The following FAM186A variants were observed in gnomAD, a reference collection of about 807,000 sequenced individuals.
The protein encoded by FAM186A is protein FAM186A.
In FAM186A, 163 loss-of-function variants were observed where a neutral mutation model predicts 216.8. That is an observed-to-expected ratio of 0.75 (90% CI 0.66 to 0.86). The LOEUF is 0.86. FAM186A is among the 40% of genes least tolerant of loss of function. The pLI is 0.00. For synonymous variants in FAM186A, 805 were observed against 1,025.3 expected, an observed-to-expected ratio of 0.79 and a Z score of 4.10; for missense variants, 2,184 against 2,746.2, an observed-to-expected ratio of 0.80 and a Z score of 4.58.
At chr12:50,387,910 C>T (rs1943318927) in intron 1 of FAM186A, among the ~76,000 whole-genome samples, 1 of 152,160 alleles carries the variant, frequency 6.6e-6, no homozygotes, top group Admixed American at 6.6e-5. Flanking sequence ...TTACCAAGGA[C>T]TCCCATACCC....
chr12:50,375,603 G>C (rs1455694738), intron 1 of FAM186A, among the ~76,000 whole-genome samples: 1 of 149,882 alleles, frequency 6.7e-6, no homozygotes, highest in African/African-American at 2.5e-5. Flanking sequence ...TGTAATCTCA[G>C]CTAATCGGGA....
At chr12:50,345,424 A>T (rs1309188959) in intron 4 of FAM186A, among the ~76,000 whole-genome samples, 1 of 152,082 alleles carries the variant, frequency 6.6e-6, no homozygotes, top group Non-Finnish European at 1.5e-5. Context: ...AATAAAAACA[A>T]AAAAAGAAAC....
At chr12:50,372,572 C>T (rs979620689) in intron 1 of FAM186A, among the ~76,000 whole-genome samples, 17 of 147,972 alleles carry the variant, frequency 1.1e-4, no homozygotes, top group South Asian at 1.1e-3. Context: ...CCAGCCCGGG[C>T]GACAGTGTGA....
At position 50,392,765 on chromosome 12, in the gene FAM186A, A is replaced by ATTT. The variant is rs71083559; in HGVS notation, c.192+3525_192+3527dup. Among the ~76,000 whole-genome samples the ATTT allele has an allele frequency of 9.5e-3, 1,125 of 118,414 alleles. 15 individuals are homozygous for ATTT. Among genetic ancestry groups the ATTT allele is most frequent in the East Asian group, 0.021 (83 of 3,976 alleles). 77.7% of individuals were successfully genotyped at this position (118,414 alleles called of 152,430 possible). On this transcript the variant is annotated intron_variant, in intron 1 of 7. Coordinates refer to ENST00000327337, the MANE Select transcript of FAM186A (RefSeq NM_001145475.3). ...AGTCGTGTGCCACCACACTTGGCTA[A>ATTT]TTTTTTTTTTTTTTTTTTGGTATTT... is the stretch of plus-strand genomic sequence containing the variant.
Position 50,351,384 on chromosome 12 carries a change from T to G in FAM186A, c.5448A>C (p.Pro1816=). 6.8e-7 allele frequency: 1 copy of G among 1,472,584 alleles called. No individual in the cohort carries two copies. The highest frequency in any genetic ancestry group is 9.0e-7 in the Non-Finnish European group (1 of 1,113,494). The allele number at this position is 1,472,584 out of a possible 1,614,324, so 91.2% of individuals were successfully genotyped here. Residue 1816 remains proline, a synonymous_variant, in exon 4 of 8, where the codon CCA becomes CCC. Coordinates refer to ENST00000327337, the MANE Select transcript of FAM186A (RefSeq NM_001145475.3). ...GQSTSAQFPA[P]QAPPSPGQLP... ...GCTGCCCAGGGGAGGGAGGGGCCTG[T>G]GGTGCCGGGAACTGCGCAGAAGTGG...
At chr12:50,335,098 C>G (rs1475444609) in intron 4 of FAM186A, among the ~76,000 whole-genome samples, 1 of 151,654 alleles carries the variant, frequency 6.6e-6, no homozygotes, top group Non-Finnish European at 1.5e-5. Context: ...TCCGTCTCTG[C>G]AAAATAAAAA....
At chr12:50,361,021 A>T in intron 2 of FAM186A, 95 bp from the exon 3 acceptor site, 1 of 829,876 alleles carries the variant, frequency 1.2e-6, no homozygotes, top group Non-Finnish European at 1.7e-6. Flanking sequence ...TCAATACAGT[A>T]ATATTGGGGA....
rs188879647 is a variant in FAM186A at position 50,355,899 on chromosome 12, G to A, written c.933C>T (p.Asn311=). 105 of 1,551,200 alleles carry A rather than the reference G, an allele frequency of 6.8e-5. No individual in the cohort carries two copies. The African/African-American group carries it at 7.7e-4, about 11-fold the overall frequency. Residue 311 remains asparagine (N), a synonymous_variant, in exon 4 of 8, where the codon AAC becomes AAT. Transcript: ENST00000327337. ...LSLKIIRDLS[N]ENEMLQQKLQ... Reference sequence around the variant, plus strand: ...GTTTCTGCTGAAGCATTTCATTTTCGTTACTGAGATCTCGTATTATCTTCA... The same window carrying A: ...GTTTCTGCTGAAGCATTTCATTTTCATTACTGAGATCTCGTATTATCTTCA...
intron 1 of FAM186A, among the ~76,000 whole-genome samples, chr12:50,380,391 G>T (rs1380311433): frequency 6.6e-6 from 1 of 151,790 alleles, no homozygotes; most frequent in Non-Finnish European, 1.5e-5. Context: ...AAGAACTGGT[G>T]TTGTTCGGGT....
intron 3 of FAM186A, 151 bp downstream of exon 3, chr12:50,360,605 A>T (rs1943023094): frequency 3.7e-6 from 2 of 541,586 alleles, no homozygotes; most frequent in Non-Finnish European, 6.0e-6. Context: ...GAATCACCTG[A>T]AACCTGGAGG....
chr12:50,376,391 G>A (rs1943198375), intron 1 of FAM186A, among the ~76,000 whole-genome samples: 1 of 152,218 alleles, frequency 6.6e-6, no homozygotes, highest in African/African-American at 2.4e-5. Context: ...GATACCTGAA[G>A]TGAGTAGCTC....
At position 50,380,715 on chromosome 12, in the gene FAM186A, G is replaced by A. The variant is rs1402013311; in HGVS notation, c.192+15578C>T. Among the ~76,000 whole-genome samples the A allele has an allele frequency of 2.0e-5, 3 of 151,484 alleles. 1 individual carries two copies. Among genetic ancestry groups the A allele is most frequent in the East Asian group, 1.9e-4 (1 of 5,144 alleles). ...TCTAAAAAAAAAAAAAAGAACTGGT[G>A]TGATGGGATATTTGGGGTGTCGCTT... On this transcript the variant is annotated intron_variant, in intron 1 of 7. Transcript: ENST00000327337.
intron 1 of FAM186A, among the ~76,000 whole-genome samples, chr12:50,380,467 G>A (rs569572089): frequency 7.5e-5 from 11 of 145,992 alleles, no homozygotes; most frequent in African/African-American, 2.5e-4. Flanking sequence ...CCTGAGGTCA[G>A]GAGTTCGAGA....
chr12:50,376,795 C>T (rs1434290127), intron 1 of FAM186A, among the ~76,000 whole-genome samples: 1 of 150,916 alleles, frequency 6.6e-6, no homozygotes, highest in Non-Finnish European at 1.5e-5. Flanking sequence ...GGCTGGAGTT[C>T]AGTGATGCAG....
intron 1 of FAM186A, among the ~76,000 whole-genome samples, chr12:50,387,590 A>G (rs536486071): frequency 6.6e-6 from 1 of 152,308 alleles, no homozygotes; most frequent in South Asian, 2.1e-4. Context: ...GATTTATGTA[A>G]GGCTCACAGA....
chr12:50,372,604 A>AG (rs925133565), intron 1 of FAM186A, among the ~76,000 whole-genome samples: 1 of 151,480 alleles, frequency 6.6e-6, no homozygotes, highest in Admixed American at 6.6e-5. Flanking sequence ...AAAAAAAAAA[A>AG]AAGAAATAAT....
At chr12:50,383,249 T>TA (rs1167515309) in intron 1 of FAM186A, among the ~76,000 whole-genome samples, 3 of 10,364 alleles carry the variant, frequency 2.9e-4, no homozygotes, top group African/African-American at 4.2e-4. Context: ...AGACTCCGTC[T>TA]AAAAAAAAAA....
At chr12:50,362,766 A>AAG (rs1943048757) in intron 2 of FAM186A, among the ~76,000 whole-genome samples, 1 of 129,282 alleles carries the variant, frequency 7.7e-6, no homozygotes, top group Non-Finnish European at 1.7e-5. Flanking sequence ...AAAAAAAAAA[A>AAG]GGGTAAAGTG....
At chr12:50,371,994 T>C (rs1368249588) in intron 1 of FAM186A, among the ~76,000 whole-genome samples, 1 of 152,062 alleles carries the variant, frequency 6.6e-6, no homozygotes, top group African/African-American at 2.4e-5. Context: ...GTATTTTTAG[T>C]AGAGACGGGG....
Sources: gnomAD v4.1 joint callset for allele counts (sites outside exome capture counted in the v4.1 genomes callset) on GRCh38, gnomAD v4.1.1 for gene constraint, MANE v1.5 for transcripts, NCBI Gene and HGNC (gene_info 2026-07-23, HGNC 2026-07-21) for gene names.